The following ABI3BP variants were observed in gnomAD, a reference collection of about 807,000 sequenced individuals.
ABI3BP encodes the protein ABI family member 3 binding protein, also known as target of Nesh-SH3.
ABI3BP carries 216 observed loss-of-function variants against 268.6 expected under a neutral mutation model. The observed-to-expected ratio is 0.80, with a 90% CI of 0.72 to 0.90. ABI3BP has a LOEUF of 0.90. Ranked by LOEUF, ABI3BP falls within the 40% of genes least tolerant of loss-of-function variation. The pLI is 0.00. For synonymous variants in ABI3BP, 730 were observed against 730.0 expected, an observed-to-expected ratio of 1.00 and a Z score of 0.00; for missense variants, 2,090 against 2,182.4, an observed-to-expected ratio of 0.96 and a Z score of 0.84.
In ABI3BP at chr3:100,770,927, CT is replaced by C; in HGVS notation, c.4556del (p.Lys1519SerfsTer57). On this transcript the variant is annotated frameshift_variant, in exon 62 of 68. Transcript: ENST00000471714. LOFTEE classifies it high-confidence loss of function. ...FKGPHVRYIQ[K>X]PDNSPCSITD... Reference sequence around the variant, plus strand: ...TAATGGAGCAGGGACTGTTGTCAGGCTTTTGGATGTATCGCACATGAGGTCC... The same window carrying C: ...TAATGGAGCAGGGACTGTTGTCAGGCTTTGGATGTATCGCACATGAGGTCC... 1 of 1,590,596 alleles carries C rather than the reference CT, an allele frequency of 6.3e-7. No homozygotes were observed. The highest frequency in any genetic ancestry group is 8.6e-7 in the Non-Finnish European group (1 of 1,168,400).
intron 36 of ABI3BP, among the ~76,000 whole-genome samples, chr3:100,824,552 T>C (rs2098329105): frequency 6.6e-6 from 1 of 152,196 alleles, no homozygotes; most frequent in Non-Finnish European, 1.5e-5. Context: ...GAACTGAATA[T>C]GTTGGCTCTG....
At chr3:100,852,312 A>G (rs1290124780) in intron 14 of ABI3BP, among the ~76,000 whole-genome samples, 2 of 152,256 alleles carry the variant, frequency 1.3e-5, no homozygotes, top group South Asian at 2.1e-4. Flanking sequence ...GAAGGAAAAC[A>G]GCAGTCCCAT....
At chr3:100,840,018 G>A (rs2098667470) in intron 23 of ABI3BP, 54 bp downstream of exon 23, 1 of 1,407,314 alleles carries the variant, frequency 7.1e-7, no homozygotes. Flanking sequence ...TATCAAACCA[G>A]AAGCTGCCAT....
At chr3:100,841,659 T>G (rs140622754) in intron 21 of ABI3BP, among the ~76,000 whole-genome samples, 1,682 of 151,950 alleles carry the variant, frequency 0.011, 31 homozygotes, top group African/African-American at 0.038. Context: ...GAGGCCGAGG[T>G]GGGTGGATCA....
intron 4 of ABI3BP, among the ~76,000 whole-genome samples, chr3:100,894,673 C>T (rs1263933771): frequency 2.6e-5 from 4 of 152,140 alleles, no homozygotes; most frequent in South Asian, 2.1e-4. Flanking sequence ...GGCGCGGTGG[C>T]TCACGCCTGT....
intron 2 of ABI3BP, among the ~76,000 whole-genome samples, chr3:100,919,818 A>G (rs1206391314): frequency 6.6e-6 from 1 of 152,182 alleles, no homozygotes; most frequent in Non-Finnish European, 1.5e-5. Flanking sequence ...GAGATGACAG[A>G]CTTTTCCAGG....
At chr3:100,898,097 C>G (rs909719101) in intron 4 of ABI3BP, among the ~76,000 whole-genome samples, 1 of 152,158 alleles carries the variant, frequency 6.6e-6, no homozygotes, top group African/African-American at 2.4e-5. Context: ...TAAAAATATA[C>G]TTAGATTTTT....
intron 63 of ABI3BP, among the ~76,000 whole-genome samples, chr3:100,763,602 A>T (rs2096102729): frequency 6.6e-6 from 1 of 152,150 alleles, no homozygotes; most frequent in South Asian, 2.1e-4. Flanking sequence ...CAGGACATAT[A>T]ATGAGGGTGG....
At chr3:100,795,034 T>C (rs1003856055) in intron 53 of ABI3BP, 31 bp from the exon 54 acceptor site, 3 of 1,363,362 alleles carry the variant, frequency 2.2e-6, no homozygotes, top group Middle Eastern at 1.9e-4. Flanking sequence ...AGGTTGTAAA[T>C]TTTTAGATTC....
intron 2 of ABI3BP, among the ~76,000 whole-genome samples, chr3:100,904,275 C>T (rs2153514539): frequency 6.6e-6 from 1 of 152,226 alleles, no homozygotes; most frequent in African/African-American, 2.4e-5. Flanking sequence ...TTAGAAAAGC[C>T]CTATGCTTGG....
At chr3:100,770,984 T>A (rs1167141458) in intron 61 of ABI3BP, 32 bp from the exon 62 acceptor site, 1 of 1,453,270 alleles carries the variant, frequency 6.9e-7, no homozygotes, top group Admixed American at 2.4e-5. Context: ...ACATTTAACA[T>A]TTTTGAAACT....
intron 34 of ABI3BP, 149 bp downstream of exon 34, chr3:100,828,244 A>T: frequency 1.5e-6 from 1 of 646,014 alleles, no homozygotes; most frequent in East Asian, 2.7e-5. Context: ...CTAGATTCAG[A>T]TGTAGCTCTC....
At chr3:100,942,203 A>G (rs2069642699) in intron 1 of ABI3BP, among the ~76,000 whole-genome samples, 1 of 152,136 alleles carries the variant, frequency 6.6e-6, no homozygotes, top group East Asian at 1.9e-4. Context: ...CATTGGGTAG[A>G]TGAATAAGTC....
At chr3:100,918,765 A>AT (rs1341101812) in intron 2 of ABI3BP, among the ~76,000 whole-genome samples, 2 of 152,118 alleles carry the variant, frequency 1.3e-5, no homozygotes, top group African/African-American at 2.4e-5. Flanking sequence ...CTTTTTAACC[A>AT]TTTTTTACAG....
chr3:100,974,993 C>CA (rs2085407711), intron 1 of ABI3BP, among the ~76,000 whole-genome samples: 2 of 151,828 alleles, frequency 1.3e-5, no homozygotes, highest in African/African-American at 4.8e-5. Flanking sequence ...TAGACAGTCT[C>CA]GGCAAAAAAG....
In ABI3BP at chr3:100,894,688, C is replaced by T. The variant is rs540199480; in HGVS notation, c.461+4074G>A. ...GGCGCGGTGGCTCACGCCTGTAATC[C>T]CAGCACTTTGGGAGGCCAAGGAGGG... On this transcript the variant is annotated intron_variant, in intron 4 of 67. Coordinates refer to ENST00000471714, the MANE Select transcript of ABI3BP (RefSeq NM_001375547.2). Among the ~76,000 whole-genome samples the T allele has an allele frequency of 1.3e-3, 191 of 151,924 alleles. 1 individual carries two copies. Among genetic ancestry groups the T allele is most frequent in the Middle Eastern group, 3.4e-3 (1 of 292 alleles).
chr3:100,760,836 G>A (rs901818969), intron 63 of ABI3BP, among the ~76,000 whole-genome samples: 1 of 152,128 alleles, frequency 6.6e-6, no homozygotes, highest in African/African-American at 2.4e-5. Flanking sequence ...TGCCTAAGGA[G>A]ACACACAGAG....
intron 1 of ABI3BP, among the ~76,000 whole-genome samples, chr3:100,930,021 CT>C (rs1257914348): frequency 8.6e-5 from 13 of 152,018 alleles, no homozygotes; most frequent in Admixed American, 8.5e-4. Flanking sequence ...AATGTTTAAT[CT>C]TTGATAATAC....
chr3:100,951,176 A>G (rs1466178524), intron 1 of ABI3BP, among the ~76,000 whole-genome samples: 1 of 151,884 alleles, frequency 6.6e-6, no homozygotes, highest in Non-Finnish European at 1.5e-5. Context: ...CTCATTTCCC[A>G]TAACTCCTCT....
Sources: allele counts gnomAD v4.1 joint callset (sites outside exome capture counted in the v4.1 genomes callset), GRCh38; gene constraint gnomAD v4.1.1; transcripts MANE v1.5; gene names NCBI Gene and HGNC (gene_info 2026-07-23, HGNC 2026-07-21).